NHSL2: variants seen among roughly 807,000 people sequenced by gnomAD.
NHSL2 encodes the protein NHS-like protein 2.
In NHSL2, 27 loss-of-function variants were observed where a neutral mutation model predicts 53.4. That is an observed-to-expected ratio of 0.51 (90% confidence interval 0.37 to 0.70). The LOEUF (loss-of-function observed/expected upper bound fraction) is 0.70, where lower values mean the gene tolerates loss of function less well. Ranked by LOEUF, NHSL2 falls within the 30% of genes least tolerant of loss-of-function variation. The pLI, the probability that NHSL2 is intolerant of heterozygous loss-of-function variation, is 0.00. For synonymous variants in NHSL2, 408 were observed against 404.1 expected (o/e 1.01, Z -0.12); for missense variants, 892 against 980.1 (o/e 0.91, Z 1.20).
chrX:72,101,562 C>T (rs1223593941), intron 1 of NHSL2, among the ~76,000 whole-genome samples: 1 of 110,457 alleles, frequency 9.1e-6, no homozygotes, highest in Admixed American at 9.6e-5. Context: ...ACGAGCCCTC[C>T]CCCAGCCTTT....
In NHSL2 at chrX:72,147,181, A is replaced by G. The variant is rs2042470704; in HGVS notation, c.*3607A>G. On this transcript the variant is annotated 3_prime_UTR_variant, in exon 8 of 8. Coordinates refer to ENST00000633930, the MANE Select transcript of NHSL2 (RefSeq NM_001013627.3). ...AACAAGTTGGGAAAAAGATGAGTTCATGCTCAGTGCTCTGTTCCTCACTCG... is the reference window on the plus strand; with the variant it reads ...AACAAGTTGGGAAAAAGATGAGTTCGTGCTCAGTGCTCTGTTCCTCACTCG... The G allele has an allele frequency of 8.9e-6, 1 of 112,250 alleles. No homozygotes were observed. Among genetic ancestry groups the G allele is most frequent in the Non-Finnish European group, 1.9e-5 (1 of 53,256 alleles). 9.3% of individuals were successfully genotyped at this position (112,250 alleles called of 1,213,427 possible). A position where few individuals can be genotyped will look rare whatever the true frequency, so the allele number is the denominator to read the frequency against.
intron 1 of NHSL2, among the ~76,000 whole-genome samples, chrX:72,119,672 T>C (rs2042167216): frequency 8.9e-6 from 1 of 112,572 alleles, no homozygotes; most frequent in Non-Finnish European, 1.9e-5. Context: ...GGATTTTCTA[T>C]GTACAAGATT....
At chrX:72,037,868 G>A (rs1319147304) in intron 1 of NHSL2, among the ~76,000 whole-genome samples, 1 of 112,170 alleles carries the variant, frequency 8.9e-6, no homozygotes, top group South Asian at 3.7e-4. Context: ...CTCTGCCAGT[G>A]CCACCAGGGA....
At chrX:72,138,416 C>T (rs1008720680) in intron 5 of NHSL2, 25 bp from the exon 6 acceptor site, 6 of 1,107,263 alleles carry the variant, frequency 5.4e-6, no homozygotes, top group Non-Finnish European at 6.0e-6. Flanking sequence ...CTGTAGCACT[C>T]ATGTCCTGTG....
At chrX:72,077,445 A>G (rs1296740368) in intron 1 of NHSL2, among the ~76,000 whole-genome samples, 1 of 110,648 alleles carries the variant, frequency 9.0e-6, no homozygotes, top group African/African-American at 3.3e-5. Flanking sequence ...TCTGAGGATG[A>G]AGATGGCTCC....
chrX:72,069,134 C>T (rs773266804), intron 1 of NHSL2, among the ~76,000 whole-genome samples: 30 of 112,253 alleles, frequency 2.7e-4, no homozygotes, highest in South Asian at 7.3e-4. Flanking sequence ...TTATTGGCCC[C>T]GCGCTCCTGC....
At chrX:71,996,960 G>T (rs1406315912) in intron 1 of NHSL2, among the ~76,000 whole-genome samples, 1 of 112,678 alleles carries the variant, frequency 8.9e-6, no homozygotes, top group African/African-American at 3.2e-5. Context: ...GGCGTCCTGA[G>T]AGGCTGGGAC....
chrX:71,951,898 TTC>T (rs1348388546), intron 1 of NHSL2, among the ~76,000 whole-genome samples: 2 of 111,909 alleles, frequency 1.8e-5, no homozygotes, highest in East Asian at 5.6e-4. Flanking sequence ...ATTTCTTCGA[TTC>T]TCTGTTTTCT....
At chrX:71,924,406 T>A (rs1160094947) in intron 1 of NHSL2, among the ~76,000 whole-genome samples, 1 of 112,112 alleles carries the variant, frequency 8.9e-6, no homozygotes, top group Non-Finnish European at 1.9e-5. Context: ...TAGCCTACCC[T>A]ATGGGTAGGA....
rs952626034 is a variant in NHSL2, at chrX:72,141,235, G to T, written c.3223+464G>T. 3.2e-5 allele frequency: 4 copies of T among 124,313 alleles called. No individual in the cohort carries two copies. The Admixed American group carries it at 3.7e-4, about 12-fold the overall frequency. 10.2% of individuals were successfully genotyped at this position (124,313 alleles called of 1,213,427 possible). A position where few individuals can be genotyped will look rare whatever the true frequency, so the allele number is the denominator to read the frequency against. ...AGGCTCGGAGCCATCTGAAACAACG[G>T]AATATGTTGCCACCAGCAGCCTCTT... On this transcript the variant is annotated intron_variant, in intron 6 of 7. Coordinates refer to ENST00000633930, the MANE Select transcript of NHSL2 (RefSeq NM_001013627.3).
chrX:71,964,000 C>CACATATATATGTGTATATATATATACAT (rs2041884248), intron 1 of NHSL2, among the ~76,000 whole-genome samples: 2 of 31,441 alleles, frequency 6.4e-5, no homozygotes, highest in Admixed American at 1.1e-3. Context: ...TATGTATATA[C>CACATATATATGTGTATATATATATACAT]ATATATATAT....
intron 1 of NHSL2, among the ~76,000 whole-genome samples, chrX:71,917,910 C>T (rs1344524948): frequency 8.9e-6 from 1 of 111,869 alleles, no homozygotes; most frequent in East Asian, 2.8e-4. Context: ...TGGGAAGTTC[C>T]TCACATCCTG....
chrX:71,968,168 T>C (rs1241582512), intron 1 of NHSL2, among the ~76,000 whole-genome samples: 1 of 109,169 alleles, frequency 9.2e-6, no homozygotes, highest in Non-Finnish European at 1.9e-5. Context: ...GGCTAATTTA[T>C]TTAATTTTTT....
chrX:71,942,913 T>C (rs1443104895), intron 1 of NHSL2, among the ~76,000 whole-genome samples: 2 of 110,097 alleles, frequency 1.8e-5, no homozygotes, highest in African/African-American at 3.3e-5. Flanking sequence ...CATCTCCCTT[T>C]CTTGACTTCC....
At chrX:72,093,152 A>G (rs755327171) in intron 1 of NHSL2, among the ~76,000 whole-genome samples, 1 of 112,663 alleles carries the variant, frequency 8.9e-6, no homozygotes, top group Admixed American at 9.4e-5. Context: ...TACCACAAAT[A>G]TGTCTACTTC....
intron 1 of NHSL2, among the ~76,000 whole-genome samples, chrX:71,946,658 C>G (rs925379747): frequency 2.7e-5 from 3 of 112,035 alleles, no homozygotes; most frequent in Non-Finnish European, 3.8e-5. Context: ...ACTATCTAGT[C>G]AGATAGTCTT....
intron 1 of NHSL2, among the ~76,000 whole-genome samples, chrX:72,038,898 C>T (rs1263820773): frequency 2.7e-5 from 3 of 110,628 alleles, no homozygotes; most frequent in African/African-American, 9.9e-5. Flanking sequence ...GTAAGAGAAC[C>T]AAGAAAGCAG....
At chrX:72,024,520 A>T (rs939197201) in intron 1 of NHSL2, among the ~76,000 whole-genome samples, 2 of 112,512 alleles carry the variant, frequency 1.8e-5, no homozygotes, top group East Asian at 5.5e-4. Context: ...TTGCTGGTTC[A>T]TTAACTCATT....
At chrX:72,098,203 T>A (rs2041958049) in intron 1 of NHSL2, among the ~76,000 whole-genome samples, 1 of 111,870 alleles carries the variant, frequency 8.9e-6, no homozygotes, top group Non-Finnish European at 1.9e-5. Flanking sequence ...GTGGAATGGC[T>A]CCTCATTCAT....
Sources: allele counts gnomAD v4.1 joint callset (sites outside exome capture counted in the v4.1 genomes callset), GRCh38; gene constraint gnomAD v4.1.1; transcripts MANE v1.5; gene names NCBI Gene and HGNC (gene_info 2026-07-23, HGNC 2026-07-21).